Variants in UBE3D observed in about 807,000 individuals in gnomAD.
UBE3D encodes ubiquitin protein ligase E3D.
A neutral mutation model predicts 49.6 loss-of-function variants in UBE3D; 48 were observed. That is an observed-to-expected ratio of 0.97 (90% CI 0.77 to 1.23). UBE3D has a LOEUF of 1.23. UBE3D is among the 50% of genes most tolerant of loss of function. UBE3D has a pLI of 0.00. For synonymous variants in UBE3D, 189 were observed against 174.2 expected (o/e 1.08, Z -0.67); for missense variants, 452 against 468.4 (o/e 0.96, Z 0.32).
chr6:82,918,857 G>A (rs914857216), intron 9 of UBE3D, among the ~76,000 whole-genome samples: 8 of 151,592 alleles, frequency 5.3e-5, no homozygotes, highest in South Asian at 2.1e-4. Flanking sequence ...TTACCTGCAC[G>A]TAGTTACATT....
In UBE3D at chr6:83,044,789, A is replaced by G. The variant is rs1410176638; in HGVS notation, c.366-130T>C. On this transcript the variant is annotated intron_variant, in intron 3 of 9. Transcript: ENST00000369747. ...TGCAATGCTAATTTTTTCCCCAATTATAAAAGTAATATATACTCACTACAG... is the reference window on the plus strand; with the variant it reads ...TGCAATGCTAATTTTTTCCCCAATTGTAAAAGTAATATATACTCACTACAG... The G allele has an allele frequency of 8.2e-6, 6 of 727,954 alleles. No homozygotes were observed. In the East Asian group the frequency reaches 1.6e-4, roughly 19 times the overall value. 45.1% of individuals were successfully genotyped at this position (727,954 alleles called of 1,614,324 possible). A position where few individuals can be genotyped will look rare whatever the true frequency, so the allele number is the denominator to read the frequency against.
At chr6:82,936,499 GT>G (rs201264645) in intron 9 of UBE3D, among the ~76,000 whole-genome samples, 3 of 146,508 alleles carry the variant, frequency 2.0e-5, no homozygotes, top group African/African-American at 2.5e-5. Context: ...TACAGGTTTT[GT>G]TTTTTTTTTA....
chr6:83,043,964 T>C (rs1782849737), intron 4 of UBE3D, among the ~76,000 whole-genome samples: 1 of 152,192 alleles, frequency 6.6e-6, no homozygotes, highest in Non-Finnish European at 1.5e-5. Flanking sequence ...GGCTCCTCCA[T>C]TCCTCTTTTT....
the UBE3D span, among the ~76,000 whole-genome samples, chr6:82,884,430 G>A: frequency 6.6e-6 from 1 of 152,050 alleles, no homozygotes; most frequent in Admixed American, 6.6e-5. Flanking sequence ...CACTCCAGAA[G>A]GCACCCTAGA....
At chr6:82,897,580 G>A (rs886250672) in intron 9 of UBE3D, among the ~76,000 whole-genome samples, 5 of 152,248 alleles carry the variant, frequency 3.3e-5, no homozygotes, top group Admixed American at 2.0e-4. Context: ...GTGACAGAGT[G>A]AGACTCCATC....
chr6:82,957,758 A>G (rs1461709412), intron 8 of UBE3D, among the ~76,000 whole-genome samples: 3 of 152,126 alleles, frequency 2.0e-5, no homozygotes, highest in Non-Finnish European at 4.4e-5. Context: ...CGGCTAACAC[A>G]CTGAATGCTT....
At chr6:83,002,646 T>C (rs111427355) in intron 8 of UBE3D, among the ~76,000 whole-genome samples, 48 of 152,286 alleles carry the variant, frequency 3.2e-4, no homozygotes, top group African/African-American at 1.1e-3. Flanking sequence ...GATTGCGCCA[T>C]TGCACTCCAG....
intron 9 of UBE3D, among the ~76,000 whole-genome samples, chr6:82,950,646 C>T (rs12203819): frequency 0.16 from 24,382 of 152,024 alleles, 1,997 homozygotes; most frequent in South Asian, 0.17. Context: ...AAGAGATATC[C>T]GCACTCCCAT....
Position 82,946,240 on chromosome 6 carries a change from A to C in UBE3D, c.1149+11072T>G, listed in dbSNP as rs138180295. Among the ~76,000 whole-genome samples the C allele has an allele frequency of 4.2e-3, 637 of 152,286 alleles. 4 individuals carry two copies. Among genetic ancestry groups the C allele is most frequent in the African/African-American group, 0.015 (605 of 41,558 alleles). ...AACTTCCAAAGGTCAAGAATAAAGA[A>C]AGGAGCCTAAAAGCACCAACAGAAA... is the stretch of plus-strand genomic sequence containing the variant. On this transcript the variant is annotated intron_variant, in intron 9 of 9. Coordinates refer to ENST00000369747, the MANE Select transcript of UBE3D (RefSeq NM_198920.3).
intron 1 of UBE3D, among the ~76,000 whole-genome samples, chr6:83,058,849 G>A (rs1783984909): frequency 6.6e-6 from 1 of 152,196 alleles, no homozygotes; most frequent in Admixed American, 6.5e-5. Flanking sequence ...TCTGCACTTA[G>A]TTAGCAATAC....
chr6:82,936,058 G>A, intron 9 of UBE3D, among the ~76,000 whole-genome samples: 1 of 151,916 alleles, frequency 6.6e-6, no homozygotes, highest in Non-Finnish European at 1.5e-5. Flanking sequence ...GGGATGAGAG[G>A]GTGGAATGTG....
intron 1 of UBE3D, among the ~76,000 whole-genome samples, chr6:83,058,281 C>T (rs1305376002): frequency 6.6e-6 from 1 of 152,018 alleles, no homozygotes; most frequent in East Asian, 1.9e-4. Flanking sequence ...GAGAAGAGCA[C>T]TAAAATAATG....
At chr6:82,994,708 C>T (rs529398616) in intron 8 of UBE3D, among the ~76,000 whole-genome samples, 1 of 152,072 alleles carries the variant, frequency 6.6e-6, no homozygotes, top group Non-Finnish European at 1.5e-5. Flanking sequence ...GTGAATATGA[C>T]TTCATAATAG....
In UBE3D at chr6:82,957,484, G is replaced by A. The variant is rs183007262; in HGVS notation, c.1011-34C>T. On this transcript the variant is annotated intron_variant, in intron 8 of 9. Transcript: ENST00000369747. Reference sequence around the variant, plus strand: ...CACCAACACATTAACTTTCAAAAATGCATTATCATAATTATTTTAAAAATC... The same window carrying A: ...CACCAACACATTAACTTTCAAAAATACATTATCATAATTATTTTAAAAATC... The A allele has an allele frequency of 3.0e-5, 47 of 1,576,446 alleles. No homozygotes were observed. In the East Asian group the frequency reaches 1.1e-3, roughly 36 times the overall value.
chr6:82,893,078 C>G, intron 9 of UBE3D, 36 bp from the exon 10 acceptor site: 1 of 1,612,008 alleles, frequency 6.2e-7, no homozygotes. Flanking sequence ...TGCTTTACTT[C>G]TATAATATGA....
intron 9 of UBE3D, among the ~76,000 whole-genome samples, chr6:82,926,995 G>A (rs1020241499): frequency 5.9e-5 from 9 of 152,050 alleles, no homozygotes; most frequent in Admixed American, 3.3e-4. Context: ...TTACATTGAG[G>A]TCTGTGATCC....
chr6:82,908,062 T>C (rs1772230886), intron 9 of UBE3D, among the ~76,000 whole-genome samples: 1 of 152,130 alleles, frequency 6.6e-6, no homozygotes, highest in Non-Finnish European at 1.5e-5. Flanking sequence ...AAAAACATTA[T>C]GTTAAAGTGG....
the UBE3D span, among the ~76,000 whole-genome samples, chr6:82,881,966 T>C: frequency 6.6e-6 from 1 of 152,160 alleles, no homozygotes; most frequent in African/African-American, 2.4e-5. Context: ...GCCAAATTAT[T>C]TACCATTCCA....
chr6:82,901,999 C>T (rs1220154353), intron 9 of UBE3D, among the ~76,000 whole-genome samples: 1 of 152,114 alleles, frequency 6.6e-6, no homozygotes, highest in Non-Finnish European at 1.5e-5. Flanking sequence ...TTCTGATATG[C>T]CCTGATGTGG....
Sources: allele counts gnomAD v4.1 joint callset (sites outside exome capture counted in the v4.1 genomes callset), GRCh38; gene constraint gnomAD v4.1.1; transcripts MANE v1.5; gene names NCBI Gene and HGNC (gene_info 2026-07-23, HGNC 2026-07-21).